PMFBP1: variants seen among roughly 807,000 people sequenced by gnomAD.
PMFBP1 encodes polyamine modulated factor 1 binding protein 1.
PMFBP1 carries 131 observed loss-of-function variants against 137.8 expected under a neutral mutation model. The ratio of observed to expected loss-of-function variants is 0.95; its 90% CI spans 0.82 to 1.10. The LOEUF (loss-of-function observed/expected upper bound fraction) is 1.10. PMFBP1 is among the 50% of genes least tolerant of loss of function. PMFBP1 has a pLI of 0.00. For synonymous variants in PMFBP1, 490 were observed against 450.4 expected (o/e 1.09, Z -1.11); for missense variants, 1,199 against 1,175.4 (o/e 1.02, Z -0.29).
chr16:72,209,122 A>C, the PMFBP1 span, among the ~76,000 whole-genome samples: 1 of 152,210 alleles, frequency 6.6e-6, no homozygotes, highest in Admixed American at 6.5e-5. Flanking sequence ...CTCTTCCTGG[A>C]AACCCCATAT....
the PMFBP1 span, among the ~76,000 whole-genome samples, chr16:72,184,801 C>T: frequency 1.3e-5 from 2 of 152,174 alleles, no homozygotes; most frequent in African/African-American, 4.8e-5. Flanking sequence ...ACTCCCAGAC[C>T]CTTCATCCCA....
intron 4 of PMFBP1, among the ~76,000 whole-genome samples, chr16:72,151,607 T>C (rs1003059013): frequency 1.3e-5 from 2 of 152,224 alleles, no homozygotes; most frequent in African/African-American, 4.8e-5. Context: ...TAATCCAATG[T>C]AGAATGCTGA....
chr16:72,136,755 A>G lies in PMFBP1; in HGVS notation c.983T>C (p.Leu328Pro), dbSNP rs2042638757. Residue 328 changes from leucine (L) to proline (P), a missense_variant, in exon 8 of 21, where the codon CTG (leucine) becomes CCG (proline). Coordinates refer to ENST00000237353, the MANE Select transcript of PMFBP1 (RefSeq NM_031293.3). Reference protein sequence around the residue: ...QCLHVEEYQNLVKDLRVELEA... With the variant: ...QCLHVEEYQNPVKDLRVELEA... ...TAGTTCCACGCGCAGATCCTTCACC[A>G]GGTTCTGGTACTCCTCCACATGCAG... 5.6e-6 allele frequency: 9 copies of G among 1,613,998 alleles called. No individual in the cohort carries two copies. The highest frequency in any genetic ancestry group is 7.6e-6 in the Non-Finnish European group (9 of 1,179,996).
chr16:72,157,601 G>A (rs2043002319), intron 3 of PMFBP1, among the ~76,000 whole-genome samples: 1 of 152,142 alleles, frequency 6.6e-6, no homozygotes, highest in East Asian at 1.9e-4. Flanking sequence ...AAAAGGAGGT[G>A]AGGTCTTTAG....
the PMFBP1 span, among the ~76,000 whole-genome samples, chr16:72,243,926 A>G: frequency 2.0e-5 from 3 of 152,194 alleles, no homozygotes; most frequent in Non-Finnish European, 2.9e-5. Flanking sequence ...TGGAATTTTA[A>G]TGAGCCCTAA....
rs2043218042 is a variant in PMFBP1 at position 72,171,333 on chromosome 16, C to T, written c.-60-65G>A. ...TGAGCCTCTGCCCTTTAAAGATTTT[C>T]CCAGCTGGATCTATGCCCTCAGCAA... On this transcript the variant is annotated intron_variant, in intron 1 of 20. Transcript: ENST00000237353. The T allele has an allele frequency of 9.6e-6, 11 of 1,146,552 alleles. No homozygotes were observed. The South Asian group carries it at 1.3e-4, about 14-fold the overall frequency. The allele number at this position is 1,146,552 out of a possible 1,614,324, so 71.0% of individuals were successfully genotyped here.
rs2043216482 is a variant in PMFBP1 at position 72,171,221 on chromosome 16, T to A, written c.-13A>T. The stretch of plus-strand genomic sequence containing the variant: ...CCTCATCTTTCATTTCCTTGGCAGC[T>A]CTCAATTCTCCTTTAACCTTTAGTA... On this transcript the variant is annotated 5_prime_UTR_variant, in exon 2 of 21. Transcript: ENST00000237353. 6.2e-7 allele frequency: 1 copy of A among 1,613,800 alleles called. No homozygotes were observed. The highest frequency in any genetic ancestry group is 8.5e-7 in the Non-Finnish European group (1 of 1,179,750).
the PMFBP1 span, among the ~76,000 whole-genome samples, chr16:72,230,254 G>A: frequency 6.6e-6 from 1 of 152,022 alleles, no homozygotes; most frequent in Admixed American, 6.6e-5. Context: ...AGATCCCATA[G>A]TGTTCATACA....
the PMFBP1 span, among the ~76,000 whole-genome samples, chr16:72,201,276 A>C: frequency 6.6e-6 from 1 of 152,236 alleles, no homozygotes; most frequent in Non-Finnish European, 1.5e-5. Flanking sequence ...ATTTGAGTTC[A>C]TAATTTTATG....
chr16:72,157,207 AAAAACC>A (rs1567638265), intron 3 of PMFBP1, among the ~76,000 whole-genome samples: 2 of 149,984 alleles, frequency 1.3e-5, no homozygotes, highest in Non-Finnish European at 3.0e-5. Context: ...AAAAAAAAAA[AAAAACC>A]AGACAAAATC....
chr16:72,121,946 C>T (rs1216466134), intron 19 of PMFBP1, among the ~76,000 whole-genome samples: 4 of 152,100 alleles, frequency 2.6e-5, no homozygotes, highest in African/African-American at 9.7e-5. Context: ...CATGTTACAT[C>T]GGTAAACTCA....
the PMFBP1 span, among the ~76,000 whole-genome samples, chr16:72,196,037 G>A: frequency 6.6e-6 from 1 of 151,810 alleles, no homozygotes; most frequent in Non-Finnish European, 1.5e-5. Context: ...GTGTGAAAGA[G>A]AGAGAGAGAC....
chr16:72,240,947 A>G, the PMFBP1 span, among the ~76,000 whole-genome samples: 1 of 131,562 alleles, frequency 7.6e-6, no homozygotes. Context: ...GAGAGCGTGC[A>G]AGAGAGAGAG....
chr16:72,187,155 A>G, the PMFBP1 span, among the ~76,000 whole-genome samples: 30 of 152,190 alleles, frequency 2.0e-4, 2 homozygotes, highest in Admixed American at 1.0e-3. Flanking sequence ...AAGCAAGCAA[A>G]CAAAGAAACT....
chr16:72,240,259 T>C, the PMFBP1 span, among the ~76,000 whole-genome samples: 1 of 152,250 alleles, frequency 6.6e-6, no homozygotes, highest in Non-Finnish European at 1.5e-5. Context: ...TAACTTAACA[T>C]GGTTACTAGT....
In PMFBP1 at chr16:72,136,614, G is replaced by C; in HGVS notation, c.1046-9C>G. 6.2e-7 allele frequency: 1 copy of C among 1,614,070 alleles called. No homozygotes were observed. The highest frequency in any genetic ancestry group is 8.5e-7 in the Non-Finnish European group (1 of 1,180,010). The stretch of plus-strand genomic sequence containing the variant: ...CTCCAGCTTCATCATGTCTACCATG[G>C]GGCGGGACAGAGTCTATGCTCAGGG... On this transcript the variant is annotated splice_polypyrimidine_tract_variant and intron_variant, in intron 8 of 20. Transcript: ENST00000237353.
chr16:72,242,239 G>A, the PMFBP1 span, among the ~76,000 whole-genome samples: 18 of 152,338 alleles, frequency 1.2e-4, no homozygotes, highest in African/African-American at 3.6e-4. Flanking sequence ...GGGACTGGGC[G>A]CATTAGCGCA....
intron 13 of PMFBP1, 117 bp from the exon 14 acceptor site, chr16:72,128,911 G>C: frequency 1.3e-6 from 2 of 1,508,778 alleles, no homozygotes; most frequent in Middle Eastern, 1.8e-4. Flanking sequence ...GGGAGCTCAG[G>C]CATTCTCGCT....
rs191893962 is a variant in PMFBP1, at chr16:72,145,339, C to T, written c.637-4757G>A. ...AGATGTTCTTTGAAACCAAGGAGAACAAAGACACAGCATACTGGAATCTCT... is the reference window on the plus strand; with the variant it reads ...AGATGTTCTTTGAAACCAAGGAGAATAAAGACACAGCATACTGGAATCTCT... On this transcript the variant is annotated intron_variant, in intron 5 of 20. Transcript: ENST00000237353. Among the ~76,000 whole-genome samples the T allele has an allele frequency of 1.6e-3, 242 of 152,234 alleles. 1 individual carries two copies. The highest frequency in any genetic ancestry group is 5.7e-3 in the African/African-American group (235 of 41,528).
Sources: gnomAD v4.1 joint callset for allele counts (sites outside exome capture counted in the v4.1 genomes callset) on GRCh38, gnomAD v4.1.1 for gene constraint, MANE v1.5 for transcripts, NCBI Gene and HGNC (gene_info 2026-07-23, HGNC 2026-07-21) for gene names.